The following PPP1R2 variants were observed in gnomAD, a reference collection of about 807,000 sequenced individuals.
The protein encoded by PPP1R2 is protein phosphatase 1 regulatory inhibitor subunit 2.
A neutral mutation model predicts 29.9 loss-of-function variants in PPP1R2; 16 were observed. The observed-to-expected ratio is 0.53, with a 90% CI of 0.36 to 0.81. The LOEUF (loss-of-function observed/expected upper bound fraction) is 0.81, where lower values mean the gene tolerates loss of function less well. Ranked by LOEUF, PPP1R2 falls within the 30% of genes least tolerant of loss-of-function variation. The pLI is 0.00. For missense variants in PPP1R2, 197 were observed against 252.7 expected (o/e 0.78, Z 1.49); for synonymous variants, 76 against 91.5 (o/e 0.83, Z 0.96).
intron 2 of PPP1R2, chr3:195,528,700 CTATTTTTTTT>C (rs1216148667): frequency 9.1e-5 from 7 of 76,640 alleles, no homozygotes; most frequent in African/African-American, 1.6e-4. Flanking sequence ...TAGGGCATAA[CTATTTTTTTT>C]TTTTTTTTTT....
chr3:195,524,667 A>AG, intron 3 of PPP1R2, 152 bp downstream of exon 3: 1 of 661,728 alleles, frequency 1.5e-6, no homozygotes, highest in Admixed American at 3.0e-5. Flanking sequence ...AGGTGAAAAA[A>AG]GGGGGAAAAA....
At chr3:195,527,478 C>T (rs1334235248) in intron 2 of PPP1R2, among the ~76,000 whole-genome samples, 1 of 151,864 alleles carries the variant, frequency 6.6e-6, no homozygotes, top group African/African-American at 2.4e-5. Context: ...AAATAAAAAA[C>T]AGCATTCTTT....
intron 2 of PPP1R2, among the ~76,000 whole-genome samples, chr3:195,527,112 A>T (rs1718999945): frequency 6.6e-6 from 1 of 151,624 alleles, no homozygotes; most frequent in Non-Finnish European, 1.5e-5. Flanking sequence ...TTGTGGAGAT[A>T]AGAGTCTCAC....
intron 4 of PPP1R2, among the ~76,000 whole-genome samples, chr3:195,520,398 C>A (rs1185509332): frequency 1.3e-5 from 2 of 152,102 alleles, no homozygotes; most frequent in Non-Finnish European, 1.5e-5. Context: ...CCTGTAATCC[C>A]AGGAGTTCAA....
At chr3:195,537,520 T>TGTG (rs1719441468) in intron 1 of PPP1R2, among the ~76,000 whole-genome samples, 1 of 151,142 alleles carries the variant, frequency 6.6e-6, no homozygotes, top group African/African-American at 2.4e-5. Context: ...TGTGTGTGTG[T>TGTG]TTCCATTTCA....
chr3:195,525,986 G>A (rs960352699), intron 2 of PPP1R2, among the ~76,000 whole-genome samples: 6 of 151,984 alleles, frequency 3.9e-5, no homozygotes, highest in Non-Finnish European at 8.8e-5. Flanking sequence ...AAAATTTACT[G>A]AATTATGTTT....
At chr3:195,525,086 GAA>G (rs1351799778) in intron 2 of PPP1R2, among the ~76,000 whole-genome samples, 190 bp from the exon 3 acceptor site, 1 of 151,810 alleles carries the variant, frequency 6.6e-6, no homozygotes, top group Non-Finnish European at 1.5e-5. Context: ...ACCCAATCAA[GAA>G]AAGACTCCAA....
intron 1 of PPP1R2, among the ~76,000 whole-genome samples, chr3:195,535,516 TA>T (rs1719346691): frequency 6.6e-6 from 1 of 152,222 alleles, no homozygotes; most frequent in Non-Finnish European, 1.5e-5. Flanking sequence ...ATCAAGGAAC[TA>T]ATGAGATTGT....
rs141711213 is a variant in PPP1R2, at chr3:195,524,646, G to A, written c.308+173C>T. Among the ~76,000 whole-genome samples, 361 of 152,144 alleles carry A rather than the reference G, an allele frequency of 2.4e-3. 6 individuals are homozygous for A. Among genetic ancestry groups the A allele is most frequent in the African/African-American group, 5.9e-3 (246 of 41,502 alleles). On this transcript the variant is annotated intron_variant, in intron 3 of 5. Coordinates refer to ENST00000618156, the MANE Select transcript of PPP1R2 (RefSeq NM_006241.8). ...ATCAAGAGACAAGACTATAAAAGTTGGTGACTCAGAAGGTGAAAAAAGGGG... is the reference window on the plus strand; with the variant it reads ...ATCAAGAGACAAGACTATAAAAGTTAGTGACTCAGAAGGTGAAAAAAGGGG...
intron 1 of PPP1R2, among the ~76,000 whole-genome samples, chr3:195,536,760 C>T (rs572808294): frequency 4.2e-5 from 6 of 144,508 alleles, no homozygotes; most frequent in African/African-American, 1.6e-4. Flanking sequence ...TGTGCTCCAG[C>T]CTGGGCGACA....
intron 1 of PPP1R2, among the ~76,000 whole-genome samples, chr3:195,540,055 C>A (rs1008939910): frequency 6.6e-6 from 1 of 152,162 alleles, no homozygotes; most frequent in South Asian, 2.1e-4. Flanking sequence ...AACGAAGACA[C>A]CTATAAAAGG....
rs997227782 is a variant in PPP1R2, at chr3:195,515,572, G to GA, written c.*1323dup. The GA allele has an allele frequency of 2.3e-4, 35 of 152,512 alleles. No individual in the cohort carries two copies. The highest frequency in any genetic ancestry group is 8.4e-4 in the African/African-American group (35 of 41,530). The allele number at this position is 152,512 out of a possible 1,614,324, so 9.4% of individuals were successfully genotyped here. The stretch of plus-strand genomic sequence containing the variant: ...AGGGCTTTCCTGCACTTGGTTGAAG[G>GA]AAAAAATTCCACCTAATTCTTACTG... On this transcript the variant is annotated 3_prime_UTR_variant, in exon 6 of 6. Transcript: ENST00000618156.
chr3:195,543,266 G>A lies in PPP1R2; in HGVS notation c.-241C>T, dbSNP rs1045752305. 9 of 412,682 alleles carry A rather than the reference G, an allele frequency of 2.2e-5. No individual in the cohort carries two copies. Among genetic ancestry groups the A allele is most frequent in the African/African-American group, 4.2e-5 (2 of 47,990 alleles). The allele number at this position is 412,682 out of a possible 1,614,324, so 25.6% of individuals were successfully genotyped here. A position where few individuals can be genotyped will look rare whatever the true frequency, so the allele number is the denominator to read the frequency against. ...ACCCTTAGCCACTGGCACTTGACCC[G>A]CGGCTCGCGGAGAGACGCCGGCCTA... On this transcript the variant is annotated 5_prime_UTR_variant, in exon 1 of 6. Transcript: ENST00000618156.
chr3:195,519,329 G>A, intron 4 of PPP1R2, 144 bp from the exon 5 acceptor site: 1 of 637,298 alleles, frequency 1.6e-6, no homozygotes, highest in Non-Finnish European at 2.6e-6. Context: ...TGGCAGAGTT[G>A]AGTAGTTCGT....
At chr3:195,520,003 C>T (rs183964396) in intron 4 of PPP1R2, among the ~76,000 whole-genome samples, 131 of 151,160 alleles carry the variant, frequency 8.7e-4, no homozygotes, top group Non-Finnish European at 1.6e-3. Flanking sequence ...AATTATTCAC[C>T]GTTGTTTTAT....
intron 2 of PPP1R2, among the ~76,000 whole-genome samples, chr3:195,525,653 AT>A (rs1224807370): frequency 6.6e-6 from 1 of 152,206 alleles, no homozygotes; most frequent in Non-Finnish European, 1.5e-5. Flanking sequence ...CAAAGATCTA[AT>A]TTCGGAAGTT....
At chr3:195,527,990 C>A (rs1391075873) in intron 2 of PPP1R2, 2 of 290,744 alleles carry the variant, frequency 6.9e-6, no homozygotes, top group Non-Finnish European at 1.3e-5. Flanking sequence ...TGTTTTTCTT[C>A]CCCTCAATTT....
rs1397205452 is a variant in PPP1R2, at chr3:195,523,708, G to A, written c.387C>T (p.Leu129=). 3 of 1,613,956 alleles carry A rather than the reference G, an allele frequency of 1.9e-6. No homozygotes were observed. Among genetic ancestry groups the A allele is most frequent in the East Asian group, 4.5e-5 (2 of 44,880 alleles). ...QESSGEEDSD[L]SPEEREKKRQ... ...ATAAACTACCTCGTTCTTCAGGTGAGAGGTCACTATCCTCCTCTCCACTGC... is the reference window on the plus strand; with the variant it reads ...ATAAACTACCTCGTTCTTCAGGTGAAAGGTCACTATCCTCCTCTCCACTGC... The change falls in exon 4 of 6, where the codon CTC becomes CTT. Residue 129 remains leucine, a synonymous_variant. Transcript: ENST00000618156.
rs1279791447 is a variant in PPP1R2 at position 195,543,038 on chromosome 3, C to T, written c.-13G>A. The T allele has an allele frequency of 2.5e-6, 4 of 1,596,354 alleles. No homozygotes were observed. In the South Asian group the frequency reaches 4.5e-5, roughly 18 times the overall value. On this transcript the variant is annotated 5_prime_UTR_variant, in exon 1 of 6. Transcript: ENST00000618156. ...TCGAGGCCGCCATTGCCGGGCGCTC[C>T]GGCTGTCGGCTCAGGGTCGCTGCTT...
Sources: gnomAD v4.1 joint callset for allele counts (sites outside exome capture counted in the v4.1 genomes callset) on GRCh38, gnomAD v4.1.1 for gene constraint, MANE v1.5 for transcripts, NCBI Gene and HGNC (gene_info 2026-07-23, HGNC 2026-07-21) for gene names.